KIF6: variants seen among roughly 807,000 people sequenced by gnomAD.
KIF6 encodes the protein kinesin family member 6, also known as kinesin-like protein KIF6.
In KIF6, 106 loss-of-function variants were observed where a neutral mutation model predicts 112.7. That is an observed-to-expected ratio of 0.94 (90% CI 0.80 to 1.11). The LOEUF (loss-of-function observed/expected upper bound fraction) is 1.11, where lower values mean the gene tolerates loss of function less well. KIF6 is among the 50% of genes least tolerant of loss of function. The probability of loss-of-function intolerance (pLI) is 0.00; values close to 1 mark genes in which losing one functional copy is unlikely to be tolerated. For missense variants in KIF6, 929 were observed against 964.0 expected, an observed-to-expected ratio of 0.96 and a Z score of 0.48; for synonymous variants, 339 against 339.9, an observed-to-expected ratio of 1.00 and a Z score of 0.03.
chr6:39,435,263 T>A (rs541383050), intron 13 of KIF6, among the ~76,000 whole-genome samples: 1 of 152,156 alleles, frequency 6.6e-6, no homozygotes, highest in East Asian at 1.9e-4. Context: ...TTTTACAATA[T>A]CACAGAAAAA....
At chr6:39,684,730 CA>C (rs1403838801) in intron 3 of KIF6, among the ~76,000 whole-genome samples, 2 of 150,302 alleles carry the variant, frequency 1.3e-5, no homozygotes, top group Non-Finnish European at 3.0e-5. Context: ...ACGGAGGTTG[CA>C]GTGAGCTGAG....
At chr6:39,588,679 G>C (rs1781769027) in intron 7 of KIF6, among the ~76,000 whole-genome samples, 1 of 151,990 alleles carries the variant, frequency 6.6e-6, no homozygotes, top group Admixed American at 6.6e-5. Context: ...TTCTTTCCCA[G>C]ATCTCACCCA....
intron 15 of KIF6, among the ~76,000 whole-genome samples, chr6:39,411,860 C>A (rs1364479192): frequency 6.6e-6 from 1 of 152,170 alleles, no homozygotes; most frequent in Non-Finnish European, 1.5e-5. Flanking sequence ...AGCTTGTTTC[C>A]TGGGAGGATG....
intron 15 of KIF6, among the ~76,000 whole-genome samples, chr6:39,413,557 G>A (rs187914204): frequency 3.3e-5 from 5 of 152,240 alleles, no homozygotes; most frequent in Admixed American, 1.3e-4. Flanking sequence ...TCGATCATTC[G>A]TCCCTCCAAT....
In KIF6 at chr6:39,332,801, C is replaced by G. The variant is rs1762789874; in HGVS notation, c.*3731G>C. On this transcript the variant is annotated 3_prime_UTR_variant, in exon 23 of 23. Transcript: ENST00000287152. ...TCTCTTTCTCTCTCTTTTTTCTCCTCTCTCTCTCCTTCTCTCTCTCTCATC... is the reference window on the plus strand; with the variant it reads ...TCTCTTTCTCTCTCTTTTTTCTCCTGTCTCTCTCCTTCTCTCTCTCTCATC... 6.6e-6 allele frequency: 1 copy of G among 151,872 alleles called. No homozygotes were observed. The highest frequency in any genetic ancestry group is 1.5e-5 in the Non-Finnish European group (1 of 67,964). 9.4% of individuals were successfully genotyped at this position (151,872 alleles called of 1,614,324 possible).
intron 14 of KIF6, 25 bp from the exon 15 acceptor site, chr6:39,420,028 G>A: frequency 1.9e-6 from 3 of 1,561,750 alleles, no homozygotes; most frequent in Non-Finnish European, 2.6e-6. Flanking sequence ...AATGAAAATT[G>A]TAGTTTTTCT....
At chr6:39,528,750 T>A (rs1777882805) in intron 13 of KIF6, among the ~76,000 whole-genome samples, 1 of 152,268 alleles carries the variant, frequency 6.6e-6, no homozygotes, top group Admixed American at 6.5e-5. Context: ...TTTTCATGTA[T>A]CTGTTCATAG....
intron 13 of KIF6, among the ~76,000 whole-genome samples, chr6:39,500,420 T>G (rs899207253): frequency 3.3e-5 from 5 of 152,164 alleles, no homozygotes; most frequent in Non-Finnish European, 7.4e-5. Context: ...AGGTGAAGCT[T>G]TCCCACTTAG....
chr6:39,386,693 A>G (rs2150315767), intron 15 of KIF6, among the ~76,000 whole-genome samples: 1 of 152,142 alleles, frequency 6.6e-6, no homozygotes, highest in South Asian at 2.1e-4. Flanking sequence ...CCTGGGTAGG[A>G]TCTGGGAGGC....
rs369226336 is a variant in KIF6 at position 39,725,281 on chromosome 6, C to A, written c.30G>T (p.Ala10=). 3.2e-5 allele frequency: 51 copies of A among 1,611,120 alleles called. No homozygotes were observed. The highest frequency in any genetic ancestry group is 4.1e-5 in the Non-Finnish European group (48 of 1,178,930). Residue 10 remains alanine, a synonymous_variant, in exon 1 of 23, where the codon GCG becomes GCT. Transcript: ENST00000287152. ...GCTTCCGGACAGGGGGCTTCACCCT[C>A]GCGAATATCTGGATAGTCTGCTTCA... MVKQTIQIF[A]RVKPPVRKHQ...
chr6:39,628,203 C>A (rs548416773), intron 5 of KIF6, among the ~76,000 whole-genome samples: 1 of 152,066 alleles, frequency 6.6e-6, no homozygotes, highest in Admixed American at 6.6e-5. Context: ...TCCAATCCAC[C>A]AATCTTATTC....
chr6:39,527,759 T>G (rs1777818651), intron 13 of KIF6, among the ~76,000 whole-genome samples: 1 of 152,178 alleles, frequency 6.6e-6, no homozygotes, highest in African/African-American at 2.4e-5. Flanking sequence ...CAAATATCCC[T>G]GCCAACTCTA....
At chr6:39,426,951 T>A (rs1412452119) in intron 14 of KIF6, among the ~76,000 whole-genome samples, 1 of 152,146 alleles carries the variant, frequency 6.6e-6, no homozygotes, top group Non-Finnish European at 1.5e-5. Flanking sequence ...GGCTTTTGCA[T>A]GGGGGCAATT....
chr6:39,510,346 C>A (rs960385435), intron 13 of KIF6, among the ~76,000 whole-genome samples: 1 of 152,120 alleles, frequency 6.6e-6, no homozygotes, highest in Non-Finnish European at 1.5e-5. Flanking sequence ...TCTGCCTCAG[C>A]CTCCCAAAGT....
intron 3 of KIF6, among the ~76,000 whole-genome samples, chr6:39,647,551 G>C (rs1353408755): frequency 6.6e-6 from 1 of 152,110 alleles, no homozygotes; most frequent in African/African-American, 2.4e-5. Flanking sequence ...CTCCTGTATA[G>C]ATTTTGAGAA....
chr6:39,524,386 T>C (rs796135385), intron 13 of KIF6, among the ~76,000 whole-genome samples: 2 of 152,294 alleles, frequency 1.3e-5, no homozygotes, highest in African/African-American at 4.8e-5. Flanking sequence ...GTAATTCAGC[T>C]AAATTAGGGA....
chr6:39,630,562 T>A (rs1225693649), intron 5 of KIF6, among the ~76,000 whole-genome samples: 1 of 152,070 alleles, frequency 6.6e-6, no homozygotes, highest in African/African-American at 2.4e-5. Flanking sequence ...TAATCACTTA[T>A]GAATTCCAGG....
chr6:39,520,881 G>C lies in KIF6; in HGVS notation c.1645+19122C>G, dbSNP rs185608181. On this transcript the variant is annotated intron_variant, in intron 13 of 22. Coordinates refer to ENST00000287152, the MANE Select transcript of KIF6 (RefSeq NM_145027.6). ...TAATCACGAACACGAAAACCAGCTA[G>C]ACCTAACTGTCATAGGAGCAGAGTG... 1.7e-4 allele frequency among the ~76,000 whole-genome samples: 26 copies of C among 152,262 alleles called. No homozygotes were observed. The East Asian group carries it at 5.0e-3, about 29-fold the overall frequency.
At chr6:39,614,327 T>C (rs1438211881) in intron 5 of KIF6, among the ~76,000 whole-genome samples, 2 of 152,208 alleles carry the variant, frequency 1.3e-5, no homozygotes, top group Non-Finnish European at 2.9e-5. Flanking sequence ...TTTAAAACAT[T>C]TGGAATTGTT....
Sources: gnomAD v4.1 joint callset for allele counts (sites outside exome capture counted in the v4.1 genomes callset) on GRCh38, gnomAD v4.1.1 for gene constraint, MANE v1.5 for transcripts, NCBI Gene and HGNC (gene_info 2026-07-23, HGNC 2026-07-21) for gene names.